MSH3: variants seen among roughly 807,000 people sequenced by gnomAD.
MSH3 encodes mutS homolog 3.
Under a neutral mutation model 123.3 loss-of-function variants are expected in MSH3, and 106 were observed. That is an observed-to-expected ratio of 0.86 (90% CI 0.73 to 1.01). The LOEUF (loss-of-function observed/expected upper bound fraction) is 1.01, where lower values mean the gene tolerates loss of function less well. MSH3 is among the 50% of genes least tolerant of loss of function. MSH3 has a pLI of 0.00. For missense variants in MSH3, 1,459 were observed against 1,347.6 expected, an observed-to-expected ratio of 1.08 and a Z score of -1.29; for synonymous variants, 515 against 481.4, an observed-to-expected ratio of 1.07 and a Z score of -0.91.
intron 19 of MSH3, among the ~76,000 whole-genome samples, chr5:80,798,489 A>G (rs1231995289): frequency 1.3e-5 from 2 of 152,316 alleles, no homozygotes; most frequent in South Asian, 4.1e-4. Context: ...GCTGTTGACA[A>G]TTTGTGCCTA....
intron 21 of MSH3, among the ~76,000 whole-genome samples, chr5:80,864,402 G>C (rs1746064938): frequency 6.6e-6 from 1 of 152,112 alleles, no homozygotes; most frequent in African/African-American, 2.4e-5. Context: ...AAAGGAAAGA[G>C]ACAAAAAGAA....
At chr5:80,860,483 C>T (rs1438006695) in intron 21 of MSH3, among the ~76,000 whole-genome samples, 1 of 143,592 alleles carries the variant, frequency 7.0e-6, no homozygotes, top group Non-Finnish European at 1.5e-5. Flanking sequence ...AGATATTTTA[C>T]TCCACTCTTT....
rs1308295759 is a variant in MSH3 at position 80,743,788 on chromosome 5, G to T, written c.1654-718G>T. Among the ~76,000 whole-genome samples, 2 of 9,862 alleles carry T rather than the reference G, an allele frequency of 2.0e-4. 1 individual carries two copies. Among genetic ancestry groups the T allele is most frequent in the Non-Finnish European group, 3.8e-4 (2 of 5,248 alleles). 6.5% of individuals were successfully genotyped at this position (9,862 alleles called of 152,430 possible). On this transcript the variant is annotated intron_variant, in intron 11 of 23. Coordinates refer to ENST00000265081, the MANE Select transcript of MSH3 (RefSeq NM_002439.5). The stretch of plus-strand genomic sequence containing the variant: ...GAACCCGGGAGGCGGAGCTTGCAGT[G>T]AGCCGAGATCGCGCCACTGCACTCC...
At chr5:80,837,050 A>G (rs907535503) in intron 20 of MSH3, among the ~76,000 whole-genome samples, 1 of 152,236 alleles carries the variant, frequency 6.6e-6, no homozygotes, top group Admixed American at 6.5e-5. Context: ...GTGTAGGATC[A>G]GACCACACAG....
chr5:80,845,444 G>C (rs1002376038), intron 20 of MSH3, among the ~76,000 whole-genome samples: 4 of 152,034 alleles, frequency 2.6e-5, no homozygotes, highest in Non-Finnish European at 5.9e-5. Context: ...TTGAATGTTG[G>C]CCTGCCTTGC....
intron 8 of MSH3, among the ~76,000 whole-genome samples, chr5:80,705,625 A>G (rs1318666456): frequency 6.6e-6 from 1 of 152,204 alleles, no homozygotes; most frequent in East Asian, 1.9e-4. Context: ...AGCAACAGAA[A>G]TTCATTATTT....
intron 8 of MSH3, among the ~76,000 whole-genome samples, chr5:80,717,269 A>G (rs1268799313): frequency 6.6e-6 from 1 of 152,082 alleles, no homozygotes; most frequent in Non-Finnish European, 1.5e-5. Flanking sequence ...TTTTTATTAT[A>G]AAAAATTCTT....
At chr5:80,691,333 C>G (rs1443328869) in intron 8 of MSH3, among the ~76,000 whole-genome samples, 1 of 151,662 alleles carries the variant, frequency 6.6e-6, no homozygotes, top group African/African-American at 2.4e-5. Flanking sequence ...TTAAAAGATA[C>G]TATTTAAAAT....
chr5:80,692,616 A>G (rs1474616641), intron 8 of MSH3, among the ~76,000 whole-genome samples: 1 of 147,164 alleles, frequency 6.8e-6, no homozygotes, highest in Non-Finnish European at 1.5e-5. Flanking sequence ...AGATGAATAT[A>G]TATAAACATG....
At chr5:80,688,738 G>A (rs1750153323) in intron 8 of MSH3, among the ~76,000 whole-genome samples, 1 of 144,714 alleles carries the variant, frequency 6.9e-6, no homozygotes, top group Admixed American at 6.9e-5. Flanking sequence ...TAGTATAAAG[G>A]TTTCAATTTT....
chr5:80,818,024 A>G (rs974412926), intron 20 of MSH3, among the ~76,000 whole-genome samples: 4 of 152,206 alleles, frequency 2.6e-5, no homozygotes, highest in Admixed American at 2.6e-4. Flanking sequence ...AGCCTGGCCA[A>G]CAATGGCCAA....
At chr5:80,798,616 A>G (rs1423434191) in intron 19 of MSH3, among the ~76,000 whole-genome samples, 3 of 152,206 alleles carry the variant, frequency 2.0e-5, no homozygotes, top group Admixed American at 1.3e-4. Context: ...TGTTTTTCAC[A>G]TAGCATGATC....
At position 80,654,882 on chromosome 5, in the gene MSH3, CAGCGGCT is replaced by C; in HGVS notation, c.156_162del (p.Ala53GlnfsTer25). 1 of 854,450 alleles carries C rather than the reference CAGCGGCT, an allele frequency of 1.2e-6. No homozygotes were observed. Among genetic ancestry groups the C allele is most frequent in the East Asian group, 2.7e-5 (1 of 36,774 alleles). 52.9% of individuals were successfully genotyped at this position (854,450 alleles called of 1,614,324 possible). On this transcript the variant is annotated frameshift_variant, in exon 1 of 24. Transcript: ENST00000265081. LOFTEE classifies it high-confidence loss of function. Reference sequence around the variant, plus strand: ...GCCGACCAGGTGGACCCTGGCGCTGCAGCGGCTGCAGCGGCCGCAGCGGCCGCAGCGC... The same window carrying C: ...GCCGACCAGGTGGACCCTGGCGCTGCGCAGCGGCCGCAGCGGCCGCAGCGC...
intron 12 of MSH3, among the ~76,000 whole-genome samples, chr5:80,747,694 T>C (rs912748687): frequency 3.3e-5 from 5 of 152,156 alleles, no homozygotes; most frequent in Admixed American, 3.3e-4. Context: ...TCCTTGGGGA[T>C]TGCATATACA....
intron 12 of MSH3, among the ~76,000 whole-genome samples, chr5:80,752,530 C>G (rs948273723): frequency 6.6e-6 from 1 of 152,076 alleles, no homozygotes; most frequent in Non-Finnish European, 1.5e-5. Flanking sequence ...GATACTTCAG[C>G]TTGAGTTCTG....
chr5:80,808,356 A>G (rs1422806314), intron 19 of MSH3, among the ~76,000 whole-genome samples: 5 of 152,294 alleles, frequency 3.3e-5, no homozygotes, highest in Middle Eastern at 3.4e-3. Context: ...TGGGACCTCC[A>G]GGAAAATGTG....
intron 13 of MSH3, among the ~76,000 whole-genome samples, chr5:80,764,576 T>C (rs985619100): frequency 2.0e-5 from 3 of 151,140 alleles, no homozygotes; most frequent in African/African-American, 7.3e-5. Flanking sequence ...TTGCCCAGGC[T>C]GGTCTCCAGC....
chr5:80,675,385 G>A (rs201041209), intron 7 of MSH3, among the ~76,000 whole-genome samples: 1 of 152,108 alleles, frequency 6.6e-6, no homozygotes, highest in South Asian at 2.1e-4. Flanking sequence ...AAAGAAAAGA[G>A]GTTTAATTGG....
intron 20 of MSH3, among the ~76,000 whole-genome samples, chr5:80,851,852 T>A (rs1055263346): frequency 2.6e-5 from 4 of 152,210 alleles, no homozygotes; most frequent in African/African-American, 9.7e-5. Context: ...CCTTTCCCTA[T>A]TAATTTGAAA....
Sources: allele counts gnomAD v4.1 joint callset (sites outside exome capture counted in the v4.1 genomes callset), GRCh38; gene constraint gnomAD v4.1.1; transcripts MANE v1.5; gene names NCBI Gene and HGNC (gene_info 2026-07-23, HGNC 2026-07-21).